The following ASTN2 variants were observed in gnomAD, a reference collection of about 807,000 sequenced individuals.
ASTN2 encodes the protein astrotactin-2.
In ASTN2, 54 loss-of-function variants were observed where a neutral mutation model predicts 139.8. The observed-to-expected ratio is 0.39, with a 90% CI of 0.31 to 0.48. The LOEUF is 0.48. Ranked by LOEUF, ASTN2 falls within the 20% of genes least tolerant of loss-of-function variation. The probability of loss-of-function intolerance (pLI) is 0.95; values close to 1 mark genes in which losing one functional copy is unlikely to be tolerated. For missense variants in ASTN2, 1,565 were observed against 1,725.1 expected, an observed-to-expected ratio of 0.91 and a Z score of 1.64; for synonymous variants, 756 against 719.5, an observed-to-expected ratio of 1.05 and a Z score of -0.81.
At position 116,916,355 on chromosome 9, in the gene ASTN2, A is replaced by G. The variant is rs192914191; in HGVS notation, c.1890-52622T>C. Among the ~76,000 whole-genome samples the G allele has an allele frequency of 8.5e-5, 13 of 152,306 alleles. No homozygotes were observed. The East Asian group carries it at 2.5e-3, about 29-fold the overall frequency. ...CAACTTTGTCCAAATTAGCTCAGAA[A>G]TGTCTCATCACAGCCATGAAAGATG... On this transcript the variant is annotated intron_variant, in intron 10 of 22. Transcript: ENST00000313400.
At chr9:116,455,481 C>T (rs1384588969) in intron 20 of ASTN2, among the ~76,000 whole-genome samples, 1 of 151,860 alleles carries the variant, frequency 6.6e-6, no homozygotes, top group Admixed American at 6.6e-5. Flanking sequence ...ATTAAATTTT[C>T]AGTTTAATAC....
At chr9:116,972,333 T>G (rs1410442139) in intron 10 of ASTN2, among the ~76,000 whole-genome samples, 1 of 152,244 alleles carries the variant, frequency 6.6e-6, no homozygotes, top group African/African-American at 2.4e-5. Flanking sequence ...ATATTCATTA[T>G]TAATGGCATT....
At chr9:116,655,072 G>A (rs1588146900) in intron 16 of ASTN2, among the ~76,000 whole-genome samples, 2 of 152,216 alleles carry the variant, frequency 1.3e-5, no homozygotes. Context: ...TGCCAAAGGA[G>A]GGCTATAATC....
At chr9:117,399,662 G>T (rs1830770663) in intron 1 of ASTN2, among the ~76,000 whole-genome samples, 1 of 152,146 alleles carries the variant, frequency 6.6e-6, no homozygotes, top group African/African-American at 2.4e-5. Context: ...TGCAATAAGG[G>T]TCTATGAGCA....
intron 2 of ASTN2, among the ~76,000 whole-genome samples, chr9:117,252,127 A>T (rs1426332685): frequency 6.6e-6 from 1 of 152,172 alleles, no homozygotes. Flanking sequence ...AATGATGGGG[A>T]TGAATGTCTT....
At chr9:116,832,305 C>T (rs978656783) in intron 11 of ASTN2, among the ~76,000 whole-genome samples, 1 of 151,934 alleles carries the variant, frequency 6.6e-6, no homozygotes, top group Admixed American at 6.6e-5. Context: ...GTCTTATAGT[C>T]TTATTTCTTC....
In ASTN2 at chr9:116,433,300, T is replaced by C. The variant is rs1847553195; in HGVS notation, c.3783-7212A>G. Among the ~76,000 whole-genome samples the C allele has an allele frequency of 3.3e-5, 5 of 152,340 alleles. No individual in the cohort carries two copies. The South Asian group carries it at 1.0e-3, about 32-fold the overall frequency. On this transcript the variant is annotated intron_variant, in intron 22 of 22. Transcript: ENST00000313400. The stretch of plus-strand genomic sequence containing the variant: ...TCTGTGGGTAAAAACTTGTAAAGCA[T>C]ATTGTTAAACAGAAACAGGCAGATA...
intron 1 of ASTN2, among the ~76,000 whole-genome samples, chr9:117,356,671 CA>C (rs1004483501): frequency 9.2e-5 from 14 of 151,966 alleles, no homozygotes; most frequent in African/African-American, 3.4e-4. Context: ...TAGAGTATGT[CA>C]AAAATGGTTA....
intron 1 of ASTN2, among the ~76,000 whole-genome samples, chr9:117,366,948 T>C (rs7049227): frequency 6.6e-6 from 1 of 152,068 alleles, no homozygotes; most frequent in East Asian, 1.9e-4. Context: ...CTAATTTTTG[T>C]ATTTTTAGTA....
chr9:116,904,812 C>T (rs570625666), intron 10 of ASTN2, among the ~76,000 whole-genome samples: 19 of 152,160 alleles, frequency 1.2e-4, no homozygotes, highest in Non-Finnish European at 2.5e-4. Flanking sequence ...ATTAAGGCTG[C>T]GTGATGAACA....
chr9:116,797,966 C>T (rs1830745845), intron 13 of ASTN2, among the ~76,000 whole-genome samples: 1 of 152,150 alleles, frequency 6.6e-6, no homozygotes, highest in Non-Finnish European at 1.5e-5. Context: ...CTCAGGTATC[C>T]CATCTACAAA....
At chr9:116,764,923 C>T (rs1688363617) in intron 13 of ASTN2, among the ~76,000 whole-genome samples, 1 of 152,158 alleles carries the variant, frequency 6.6e-6, no homozygotes, top group South Asian at 2.1e-4. Context: ...TTCTGAGATG[C>T]CCCCACCGTA....
chr9:116,562,670 GCAGTGAGCCGAGAT>G (rs1204223077), intron 19 of ASTN2, among the ~76,000 whole-genome samples: 4 of 146,990 alleles, frequency 2.7e-5, no homozygotes, highest in African/African-American at 1.0e-4. Context: ...GGCAGAGGTT[GCAGTGAGCCGAGAT>G]CATGCCATTG....
intron 13 of ASTN2, among the ~76,000 whole-genome samples, chr9:116,790,677 ATT>A (rs372460577): frequency 1.0e-4 from 14 of 138,162 alleles, no homozygotes; most frequent in Non-Finnish European, 1.2e-4. Flanking sequence ...ATCTCCAGAG[ATT>A]TTTTTTTTTT....
At chr9:116,650,701 C>T (rs1588141889) in intron 17 of ASTN2, among the ~76,000 whole-genome samples, 1 of 152,194 alleles carries the variant, frequency 6.6e-6, no homozygotes, top group South Asian at 2.1e-4. Context: ...AGGCACACAG[C>T]TAAAATCCAT....
chr9:116,932,997 C>T (rs1049825593), intron 10 of ASTN2, among the ~76,000 whole-genome samples: 1 of 85,410 alleles, frequency 1.2e-5, no homozygotes, highest in Non-Finnish European at 2.1e-5. Flanking sequence ...CAGAGCGAGA[C>T]TCTGTCTCAA....
At chr9:117,144,689 T>G (rs1037139284) in intron 3 of ASTN2, among the ~76,000 whole-genome samples, 11 of 64,930 alleles carry the variant, frequency 1.7e-4, no homozygotes, top group East Asian at 1.5e-3. Context: ...TTTTTTTTTT[T>G]TTTTTTTTTT....
chr9:116,932,485 T>A (rs1834928648), intron 10 of ASTN2, among the ~76,000 whole-genome samples: 1 of 152,144 alleles, frequency 6.6e-6, no homozygotes, highest in Non-Finnish European at 1.5e-5. Context: ...TGATAGCAGC[T>A]CCAGGTTTCC....
chr9:116,430,113 T>G (rs1011258557), intron 22 of ASTN2, among the ~76,000 whole-genome samples: 6 of 152,294 alleles, frequency 3.9e-5, no homozygotes, highest in Non-Finnish European at 7.4e-5. Flanking sequence ...TGGAGAGACA[T>G]TTTCTGATTA....
Sources: allele counts gnomAD v4.1 joint callset (sites outside exome capture counted in the v4.1 genomes callset), GRCh38; gene constraint gnomAD v4.1.1; transcripts MANE v1.5; gene names NCBI Gene and HGNC (gene_info 2026-07-23, HGNC 2026-07-21).